The following DYRK4 variants were observed in gnomAD, a reference collection of about 807,000 sequenced individuals.
DYRK4 encodes dual specificity tyrosine-phosphorylation-regulated kinase 4.
In DYRK4, 64 loss-of-function variants were observed where a neutral mutation model predicts 68.3. The observed-to-expected ratio is 0.94, with a 90% CI of 0.77 to 1.15. The LOEUF is 1.15. Among genes scored for constraint, DYRK4 ranks in the 50% most tolerant of loss-of-function variants. The pLI, the probability that DYRK4 is intolerant of heterozygous loss-of-function variation, is 0.00. For missense variants in DYRK4, 740 were observed against 764.7 expected (o/e 0.97, Z 0.38); for synonymous variants, 274 against 289.9 (o/e 0.95, Z 0.56).
chr12:4,582,195 G>A (rs1476256328), intron 2 of DYRK4, among the ~76,000 whole-genome samples: 2 of 152,300 alleles, frequency 1.3e-5, no homozygotes, highest in African/African-American at 2.4e-5. Context: ...TGTAATCCCA[G>A]CACTCTGGGA....
intron 2 of DYRK4, among the ~76,000 whole-genome samples, chr12:4,579,852 A>C (rs943290838): frequency 1.3e-5 from 2 of 152,114 alleles, no homozygotes; most frequent in Non-Finnish European, 2.9e-5. Context: ...AGTTCTTTAT[A>C]ATCCCTTGTC....
chr12:4,583,273 T>C (rs1191845561), intron 2 of DYRK4, among the ~76,000 whole-genome samples: 1 of 151,924 alleles, frequency 6.6e-6, no homozygotes, highest in East Asian at 1.9e-4. Context: ...CCATTGCAAG[T>C]CTTGCCATTT....
At chr12:4,611,562 G>A (rs995707563) in intron 13 of DYRK4, among the ~76,000 whole-genome samples, 2 of 152,200 alleles carry the variant, frequency 1.3e-5, no homozygotes, top group African/African-American at 4.8e-5. Flanking sequence ...GTAAAGCCCC[G>A]TGTCTAGACT....
chr12:4,589,852 T>C (rs1944933476), intron 3 of DYRK4, among the ~76,000 whole-genome samples: 1 of 152,158 alleles, frequency 6.6e-6, no homozygotes, highest in African/African-American at 2.4e-5. Flanking sequence ...AATGTAGTCA[T>C]AGAGGAAATT....
chr12:4,593,265 T>C (rs993537187), intron 6 of DYRK4, 100 bp downstream of exon 6: 57 of 1,348,282 alleles, frequency 4.2e-5, no homozygotes, highest in African/African-American at 3.5e-4. Context: ...TTGGGGCTGA[T>C]ACGTTGGAGA....
intron 1 of DYRK4, among the ~76,000 whole-genome samples, chr12:4,567,616 C>T (rs1263672037): frequency 2.0e-5 from 3 of 152,132 alleles, no homozygotes; most frequent in African/African-American, 7.2e-5. Flanking sequence ...TCTAAGTAGC[C>T]CATGAATACG....
At chr12:4,599,656 G>A in intron 9 of DYRK4, 51 bp from the exon 10 acceptor site, 2 of 1,421,212 alleles carry the variant, frequency 1.4e-6, no homozygotes, top group South Asian at 2.4e-5. Flanking sequence ...GTAAGTAGAG[G>A]GCCTAGGGCC....
At position 4,591,610 on chromosome 12, in the gene DYRK4, AG is replaced by A. The variant is rs1944956169; in HGVS notation, c.463+316del. On this transcript the variant is annotated intron_variant, in intron 5 of 14. Transcript: ENST00000543431. This position sits in a 1 kb window ranked among gnomAD's most constrained non-coding sequence, Gnocchi z 4.1. ...AAGGCTCCTGTCATTTTATGGACCC[AG>A]GGGCCAGCGGGAAGGCACTGAGAGA... 3.2e-6 allele frequency: 1 copy of A among 310,062 alleles called. No homozygotes were observed. The allele number at this position is 310,062 out of a possible 1,614,324, so 19.2% of individuals were successfully genotyped here.
chr12:4,572,049 G>C (rs1206060663), intron 2 of DYRK4, among the ~76,000 whole-genome samples: 3 of 152,208 alleles, frequency 2.0e-5, no homozygotes, highest in Non-Finnish European at 4.4e-5. Flanking sequence ...TAGGGATGCA[G>C]TGGAGAACAA....
intron 11 of DYRK4, among the ~76,000 whole-genome samples, chr12:4,605,567 A>G (rs531831173): frequency 1.3e-5 from 2 of 152,236 alleles, no homozygotes; most frequent in East Asian, 3.9e-4. Context: ...ATCAATCATT[A>G]TAGCTTTAAA....
At chr12:4,607,300 T>C in intron 11 of DYRK4, 27 bp from the exon 12 acceptor site, 1 of 1,614,142 alleles carries the variant, frequency 6.2e-7, no homozygotes, top group Non-Finnish European at 8.5e-7. Flanking sequence ...CCACAAAGAA[T>C]GAACCAATTG....
chr12:4,575,027 CT>C (rs1944772862), intron 2 of DYRK4, among the ~76,000 whole-genome samples: 1 of 152,076 alleles, frequency 6.6e-6, no homozygotes, highest in Non-Finnish European at 1.5e-5. Context: ...GCCATGTTTG[CT>C]ATTGAAAATG....
chr12:4,562,328 G>A, intron 1 of DYRK4, 45 bp downstream of exon 1: 1 of 1,516,192 alleles, frequency 6.6e-7, no homozygotes, highest in Admixed American at 2.1e-5. Context: ...TCAGGCGCGA[G>A]TACGAGGCAG....
intron 10 of DYRK4, chr12:4,602,454 TC>T: frequency 8.0e-7 from 1 of 1,246,700 alleles, no homozygotes. Context: ...TGATTAGATT[TC>T]CCATTCCCTT....
intron 9 of DYRK4, 98 bp downstream of exon 9, chr12:4,599,264 C>T: frequency 2.4e-6 from 2 of 827,644 alleles, no homozygotes; most frequent in East Asian, 3.1e-5. Flanking sequence ...AAATAATTGC[C>T]TTTGACTTTT....
At chr12:4,588,011 C>T (rs191752152) in intron 2 of DYRK4, among the ~76,000 whole-genome samples, 4 of 152,320 alleles carry the variant, frequency 2.6e-5, no homozygotes, top group African/African-American at 7.2e-5. Context: ...GCCAGCTTTA[C>T]AGTTTTTGCC....
chr12:4,566,349 T>C (rs942158318), intron 1 of DYRK4, among the ~76,000 whole-genome samples: 5 of 152,250 alleles, frequency 3.3e-5, no homozygotes, highest in Non-Finnish European at 7.3e-5. Context: ...CCATCGGCAA[T>C]GTCCAAGGAC....
At chr12:4,582,173 G>A (rs1944848941) in intron 2 of DYRK4, among the ~76,000 whole-genome samples, 1 of 152,242 alleles carries the variant, frequency 6.6e-6, no homozygotes. Flanking sequence ...GCCAGGAGCA[G>A]TGGCTCACGC....
chr12:4,612,802 T>C, intron 14 of DYRK4, 84 bp downstream of exon 14: 1 of 1,455,236 alleles, frequency 6.9e-7, no homozygotes, highest in Non-Finnish European at 9.6e-7. Flanking sequence ...TGTGATATTT[T>C]TGAAGCCCCA....
Sources: allele counts gnomAD v4.1 joint callset (sites outside exome capture counted in the v4.1 genomes callset), GRCh38; gene constraint gnomAD v4.1.1; non-coding constraint Gnocchi (gnomAD v3.1); transcripts MANE v1.5; gene names NCBI Gene and HGNC (gene_info 2026-07-23, HGNC 2026-07-21).